The following KIF24 variants were observed in gnomAD, a reference collection of about 807,000 sequenced individuals.
KIF24 encodes kinesin family member 24, also known as kinesin-like protein KIF24.
Under a neutral mutation model 118.9 loss-of-function variants are expected in KIF24, and 81 were observed. The ratio of observed to expected loss-of-function variants is 0.68; its 90% CI spans 0.57 to 0.82. The LOEUF is 0.82. KIF24 is among the 40% of genes least tolerant of loss of function. The probability of loss-of-function intolerance (pLI) is 0.00; values close to 1 mark genes in which losing one functional copy is unlikely to be tolerated. For missense variants in KIF24, 1,560 were observed against 1,661.6 expected (o/e 0.94, Z 1.06); for synonymous variants, 599 against 610.0 (o/e 0.98, Z 0.27).
chr9:34,324,247 G>A (rs767949661), intron 1 of KIF24, among the ~76,000 whole-genome samples: 2 of 152,120 alleles, frequency 1.3e-5, no homozygotes, highest in African/African-American at 2.4e-5. Flanking sequence ...CTCCACAGTC[G>A]AGCATCTGAA....
rs1465118630 is a variant in KIF24 at position 34,254,334 on chromosome 9, C to T, written c.*46G>A. The T allele has an allele frequency of 1.9e-6, 3 of 1,559,504 alleles. No individual in the cohort carries two copies. The African/African-American group carries it at 4.1e-5, about 21-fold the overall frequency. ...AGGCTCCTCCAGCCTGAGAGCCCAG[C>T]ACAGACTCCTGCAGGGCCCCCACCA... On this transcript the variant is annotated 3_prime_UTR_variant, in exon 13 of 13. Coordinates refer to ENST00000402558, the MANE Select transcript of KIF24 (RefSeq NM_194313.4).
rs746886440 is a variant in KIF24, at chr9:34,310,989, T to A, written c.358A>T (p.Ser120Cys). ...NASNDGFEMC[S>C]LSDFSANEQK... Reference sequence around the variant, plus strand: ...TCATTTGCAGAGAAATCTGATAAACTGCACATTTCAAACCCATCATTGCTG... The same window carrying A: ...TCATTTGCAGAGAAATCTGATAAACAGCACATTTCAAACCCATCATTGCTG... Residue 120 changes from serine to cysteine, a missense_variant, in exon 2 of 13, where the codon AGT becomes TGT. Coordinates refer to ENST00000402558, the MANE Select transcript of KIF24 (RefSeq NM_194313.4). The A allele has an allele frequency of 2.5e-6, 4 of 1,613,892 alleles. No homozygotes were observed. The African/African-American group carries it at 5.3e-5, about 22-fold the overall frequency.
upstream of KIF24, among the ~76,000 whole-genome samples, chr9:34,329,320 A>C (rs565858439): frequency 7.4e-4 from 113 of 152,364 alleles, no homozygotes; most frequent in African/African-American, 2.6e-3. Context: ...ACCAATGGGC[A>C]TCCAAGGAAT....
Position 34,254,422 on chromosome 9 carries a change from G to A in KIF24, c.4065C>T (p.Cys1355=), listed in dbSNP as rs753062525. 6 of 1,613,808 alleles carry A rather than the reference G, an allele frequency of 3.7e-6. No homozygotes were observed. Among genetic ancestry groups the A allele is most frequent in the Non-Finnish European group, 5.1e-6 (6 of 1,179,872 alleles). Reference sequence around the variant, plus strand: ...CCTCAGGGGCTGCGGTGGGCCCGTGGCAGGTGAGATAGAGCTGCAGCTGGC... The same window carrying A: ...CCTCAGGGGCTGCGGTGGGCCCGTGACAGGTGAGATAGAGCTGCAGCTGGC... ...LRSQLQLYLT[C]HGPTAAPEGT... The change falls in exon 13 of 13, where the codon TGC becomes TGT. Residue 1355 remains cysteine, a synonymous_variant. Coordinates refer to ENST00000402558, the MANE Select transcript of KIF24 (RefSeq NM_194313.4).
At chr9:34,260,072 A>G (rs1254530059) in intron 9 of KIF24, among the ~76,000 whole-genome samples, 1 of 152,196 alleles carries the variant, frequency 6.6e-6, no homozygotes, top group Non-Finnish European at 1.5e-5. Flanking sequence ...ATGTAAAAAG[A>G]AGCCAGGTAC....
intron 1 of KIF24, among the ~76,000 whole-genome samples, chr9:34,323,473 T>C (rs1837582821): frequency 6.6e-6 from 1 of 152,380 alleles, no homozygotes; most frequent in East Asian, 1.9e-4. Context: ...CATTTAATTC[T>C]GAAAGACTTC....
In KIF24 at chr9:34,252,423, A is replaced by G. The variant is rs1223165137; in HGVS notation, c.*1957T>C. 2.0e-5 allele frequency: 3 copies of G among 152,492 alleles called. No homozygotes were observed. 9.4% of individuals were successfully genotyped at this position (152,492 alleles called of 1,614,324 possible). A position where few individuals can be genotyped will look rare whatever the true frequency, so the allele number is the denominator to read the frequency against. ...TTTGTATTATGTTGTACATCATTAA[A>G]GATCTAAATACAAAGGATATACAGT... is the stretch of plus-strand genomic sequence containing the variant. On this transcript the variant is annotated 3_prime_UTR_variant, in exon 13 of 13. Transcript: ENST00000402558.
intron 5 of KIF24, 46 bp downstream of exon 5, chr9:34,290,127 TA>T (rs756544976): frequency 1.4e-6 from 2 of 1,384,812 alleles, no homozygotes; most frequent in Non-Finnish European, 2.0e-6. Context: ...GACTCTGGCT[TA>T]AAATAGCGAT....
chr9:34,310,139 C>T lies in KIF24; in HGVS notation c.623+585G>A, dbSNP rs144545380. Among the ~76,000 whole-genome samples, 1,035 of 152,202 alleles carry T rather than the reference C, an allele frequency of 6.8e-3. 10 individuals carry two copies. The highest frequency in any genetic ancestry group is 0.012 in the Non-Finnish European group (796 of 67,994). On this transcript the variant is annotated intron_variant, in intron 2 of 12. Coordinates refer to ENST00000402558, the MANE Select transcript of KIF24 (RefSeq NM_194313.4). ...CTGACTCTCAAACTCTCATCTCCACCAACAATGTCTTACTGTTTGTAATCA... is the reference window on the plus strand; with the variant it reads ...CTGACTCTCAAACTCTCATCTCCACTAACAATGTCTTACTGTTTGTAATCA...
At chr9:34,310,389 A>G (rs1837092089) in intron 2 of KIF24, among the ~76,000 whole-genome samples, 1 of 110,332 alleles carries the variant, frequency 9.1e-6, no homozygotes, top group Admixed American at 8.9e-5. Flanking sequence ...CCACTGTAGA[A>G]GGGTTAACTA....
intron 8 of KIF24, among the ~76,000 whole-genome samples, chr9:34,264,443 A>C (rs932236546): frequency 5.9e-5 from 9 of 151,948 alleles, no homozygotes; most frequent in African/African-American, 2.2e-4. Flanking sequence ...AGAAAAAAAA[A>C]AAAAAGAGGG....
chr9:34,286,923 T>G (rs1836073383), intron 5 of KIF24, among the ~76,000 whole-genome samples: 1 of 152,168 alleles, frequency 6.6e-6, no homozygotes, highest in African/African-American at 2.4e-5. Context: ...TGGCTACAAT[T>G]AAAAGAATGA....
In KIF24 at chr9:34,256,576, C is replaced by T; in HGVS notation, c.3031G>A (p.Val1011Ile). 3.7e-6 allele frequency: 6 copies of T among 1,613,998 alleles called. No individual in the cohort carries two copies. Among genetic ancestry groups the T allele is most frequent in the Non-Finnish European group, 5.1e-6 (6 of 1,179,900 alleles). ...RDTVTTPLRE[V>I]SADGPIQVTS... is the part of the protein sequence containing the mutation. ...ACCTGGATTGGGCCGTCTGCACTGACTTCTCTCAGAGGTGTGGTGACTGTG... is the reference window on the plus strand; with the variant it reads ...ACCTGGATTGGGCCGTCTGCACTGATTTCTCTCAGAGGTGTGGTGACTGTG... The change falls in exon 11 of 13, where the codon GTC (valine) becomes ATC (isoleucine). Residue 1011 changes from valine (V) to isoleucine (I), a missense_variant. Val to Ile is a conservative substitution (Grantham distance 29). This residue lies in a region of KIF24 where 591 missense variants were observed against 655.6 expected (regional missense o/e 0.90). Transcript: ENST00000402558.
Position 34,290,270 on chromosome 9 carries a change from A to T in KIF24, c.1031T>A (p.Leu344Gln). The T allele has an allele frequency of 3.1e-6, 5 of 1,613,888 alleles. No individual in the cohort carries two copies. Among genetic ancestry groups the T allele is most frequent in the Non-Finnish European group, 4.2e-6 (5 of 1,179,782 alleles). ...ALAAKDIFRQ[L>Q]EVSQPRKHLF... is the part of the protein sequence containing the mutation. ...GTGCTTTCTTGGCTGGGACACTTCTAGTTGCCTGAAGATATCTTTGGCAGC... is the reference window on the plus strand; with the variant it reads ...GTGCTTTCTTGGCTGGGACACTTCTTGTTGCCTGAAGATATCTTTGGCAGC... The change falls in exon 5 of 13, where the codon CTA (leucine) becomes CAA (glutamine). Residue 344 changes from leucine to glutamine, a missense_variant. By Grantham distance (113) the Leu-to-Gln change is moderately radical. This residue lies in a region of KIF24 where 964 missense variants were observed against 988.0 expected (regional missense o/e 0.98). Coordinates refer to ENST00000402558, the MANE Select transcript of KIF24 (RefSeq NM_194313.4).
At chr9:34,329,277 T>G (rs1837800506), upstream of KIF24, among the ~76,000 whole-genome samples, 1 of 152,242 alleles carries the variant, frequency 6.6e-6, no homozygotes, top group African/African-American at 2.4e-5. Flanking sequence ...ACGCCCGCGC[T>G]GTGGCCCGCG....
At chr9:34,327,629 T>C (rs1449659420) in intron 1 of KIF24, among the ~76,000 whole-genome samples, 1 of 152,074 alleles carries the variant, frequency 6.6e-6, no homozygotes, top group African/African-American at 2.4e-5. Context: ...GTATGGTCTT[T>C]GGAAGGCTGA....
intron 6 of KIF24, among the ~76,000 whole-genome samples, chr9:34,281,392 A>AGAGTGGGATGAAAAG (rs1835846300): frequency 6.6e-6 from 1 of 152,000 alleles, no homozygotes; most frequent in Non-Finnish European, 1.5e-5. Context: ...ATCGTGAAAA[A>AGAGTGGGATGAAAAG]GGCTTCAGAG....
intron 1 of KIF24, among the ~76,000 whole-genome samples, chr9:34,328,726 CA>C (rs1235245902): frequency 6.6e-6 from 1 of 152,154 alleles, no homozygotes; most frequent in African/African-American, 2.4e-5. Context: ...TCAAAGGCTT[CA>C]AAATTTTATG....
chr9:34,276,266 G>A (rs1296120140), intron 6 of KIF24, among the ~76,000 whole-genome samples: 1 of 151,978 alleles, frequency 6.6e-6, no homozygotes, highest in Non-Finnish European at 1.5e-5. Flanking sequence ...GCCAGGGATG[G>A]TGGTGCGCAC....
Sources: gnomAD v4.1 joint callset for allele counts (sites outside exome capture counted in the v4.1 genomes callset) on GRCh38, gnomAD v4.1.1 for gene constraint, gnomAD v4.1.1 regional missense constraint, MANE v1.5 for transcripts, NCBI Gene and HGNC (gene_info 2026-07-23, HGNC 2026-07-21) for gene names.